PAMR1: variants seen among roughly 807,000 people sequenced by gnomAD.
PAMR1 encodes the protein inactive serine protease PAMR1.
In PAMR1, 88 loss-of-function variants were observed where a neutral mutation model predicts 81.8. That is an observed-to-expected ratio of 1.08 (90% confidence interval 0.91 to 1.28). The LOEUF (loss-of-function observed/expected upper bound fraction) is 1.28, where lower values mean the gene tolerates loss of function less well. Among genes scored for constraint, PAMR1 ranks in the 50% most tolerant of loss-of-function variants. The pLI is 0.00. For synonymous variants in PAMR1, 336 were observed against 345.3 expected, an observed-to-expected ratio of 0.97 and a Z score of 0.30; for missense variants, 935 against 919.7, an observed-to-expected ratio of 1.02 and a Z score of -0.21.
chr11:35,526,008 T>G (rs1053702544), upstream of PAMR1: 9 of 198,026 alleles, frequency 4.5e-5, no homozygotes, highest in Non-Finnish European at 8.3e-5. Flanking sequence ...TACGGGAGGC[T>G]GAGACGGGAG....
intron 7 of PAMR1, among the ~76,000 whole-genome samples, chr11:35,440,703 A>G (rs1325831735): frequency 6.6e-6 from 1 of 152,232 alleles, no homozygotes; most frequent in African/African-American, 2.4e-5. Flanking sequence ...AAACTTCTCT[A>G]TACAATATTC....
At chr11:35,445,271 T>G (rs1856266086) in intron 6 of PAMR1, among the ~76,000 whole-genome samples, 1 of 152,224 alleles carries the variant, frequency 6.6e-6, no homozygotes, top group Admixed American at 6.5e-5. Flanking sequence ...AGATATAGGA[T>G]CATGCCATTC....
chr11:35,453,029 G>T (rs1274238568), intron 6 of PAMR1, among the ~76,000 whole-genome samples: 16 of 152,176 alleles, frequency 1.1e-4, no homozygotes, highest in Admixed American at 9.8e-4. Context: ...GGGATAAAGG[G>T]TTAAATATAT....
rs546418275 is a variant in PAMR1, at chr11:35,490,208, A to G, written c.379+1837T>C. The stretch of plus-strand genomic sequence containing the variant: ...TGGAGGAAACTACCCCTATGATTCA[A>G]TTATCTCCACCTTGCCCCACCCTTG... On this transcript the variant is annotated intron_variant, in intron 3 of 10. Transcript: ENST00000619888. Among the ~76,000 whole-genome samples the G allele has an allele frequency of 3.9e-5, 6 of 152,306 alleles. No homozygotes were observed. The East Asian group carries it at 9.6e-4, about 24-fold the overall frequency.
upstream of PAMR1, among the ~76,000 whole-genome samples, chr11:35,526,859 G>T (rs559977835): frequency 5.9e-5 from 9 of 152,320 alleles, no homozygotes; most frequent in South Asian, 1.9e-3. Flanking sequence ...GAATCATGGG[G>T]ACAGTTACCC....
At chr11:35,498,640 T>A (rs1232877858) in intron 1 of PAMR1, among the ~76,000 whole-genome samples, 1 of 152,162 alleles carries the variant, frequency 6.6e-6, no homozygotes, top group Non-Finnish European at 1.5e-5. Context: ...AACCCTCAAA[T>A]TCTCTGCCCC....
rs1299473844 is a variant in PAMR1, at chr11:35,470,814, C to T, written c.499G>A (p.Val167Ile). The T allele has an allele frequency of 3.7e-6, 6 of 1,612,926 alleles. No homozygotes were observed. The highest frequency in any genetic ancestry group is 5.1e-6 in the Non-Finnish European group (6 of 1,179,098). ...KPGFVIQLRF[V>I]MLSLEFDYMC... is the part of the protein sequence containing the mutation. Reference sequence around the variant, plus strand: ...TAGTCAAACTCCAGGCTCAACATGACAAATCTGTGGGTGGACAGGGTGACG... The same window carrying T: ...TAGTCAAACTCCAGGCTCAACATGATAAATCTGTGGGTGGACAGGGTGACG... The change falls in exon 5 of 11, where the codon GTC becomes ATC. Residue 167 changes from valine to isoleucine, a missense_variant. Transcript: ENST00000619888.
chr11:35,512,284 A>G (rs1164094337), intron 1 of PAMR1, among the ~76,000 whole-genome samples: 1 of 152,176 alleles, frequency 6.6e-6, no homozygotes, highest in Non-Finnish European at 1.5e-5. Flanking sequence ...CACTAAGGAT[A>G]TATATGAGCC....
chr11:35,501,287 G>A (rs1431356317), intron 1 of PAMR1, among the ~76,000 whole-genome samples: 1 of 151,536 alleles, frequency 6.6e-6, no homozygotes, highest in African/African-American at 2.4e-5. Flanking sequence ...TGTGCCACCA[G>A]GCCCAGCTAA....
At chr11:35,502,315 T>C (rs1850863105) in intron 1 of PAMR1, among the ~76,000 whole-genome samples, 1 of 152,156 alleles carries the variant, frequency 6.6e-6, no homozygotes, top group Non-Finnish European at 1.5e-5. Context: ...GTTACATAGG[T>C]AAACATGTGC....
At chr11:35,480,058 G>A (rs1286179345) in intron 3 of PAMR1, among the ~76,000 whole-genome samples, 1 of 152,096 alleles carries the variant, frequency 6.6e-6, no homozygotes, top group Non-Finnish European at 1.5e-5. Context: ...TGAATTGTCT[G>A]CCTCCCCCAT....
rs149029820 is a variant in PAMR1, at chr11:35,492,019, A to T, written c.379+26T>A. On this transcript the variant is annotated intron_variant, in intron 3 of 10. Coordinates refer to ENST00000619888, the MANE Select transcript of PAMR1 (RefSeq NM_001001991.3). ...GACTTTAAGACAGTGTGCACTAGAG[A>T]TGGAGCTAGGTCAAGGTCTACTTAC... 163 of 1,596,336 alleles carry T rather than the reference A, an allele frequency of 1.0e-4. 1 individual carries two copies. In the East Asian group the frequency reaches 3.6e-3, roughly 35 times the overall value.
At chr11:35,501,241 C>T (rs1390520953) in intron 1 of PAMR1, among the ~76,000 whole-genome samples, 1 of 151,770 alleles carries the variant, frequency 6.6e-6, no homozygotes, top group Admixed American at 6.6e-5. Flanking sequence ...AGTGATCCTC[C>T]CACTTCAGCC....
rs1343338944 is a variant in PAMR1 at position 35,434,496 on chromosome 11, G to A, written c.1626+16C>T. On this transcript the variant is annotated intron_variant, in intron 10 of 10. Transcript: ENST00000619888. Reference sequence around the variant, plus strand: ...TGAGCCAGAGCCCCAGCTTCCAAGTGCAAGCCCTCTCTTACCTGTAGGCTC... The same window carrying A: ...TGAGCCAGAGCCCCAGCTTCCAAGTACAAGCCCTCTCTTACCTGTAGGCTC... 1 of 1,604,706 alleles carries A rather than the reference G, an allele frequency of 6.2e-7. No individual in the cohort carries two copies. The highest frequency in any genetic ancestry group is 1.1e-5 in the South Asian group (1 of 90,380).
chr11:35,434,479 A>G, intron 10 of PAMR1, 33 bp downstream of exon 10: 1 of 1,592,070 alleles, frequency 6.3e-7, no homozygotes, highest in Non-Finnish European at 8.6e-7. Flanking sequence ...TTTGAGCCAG[A>G]GCCCCAGCTT....
intron 1 of PAMR1, among the ~76,000 whole-genome samples, chr11:35,521,372 C>A (rs908602194): frequency 6.6e-6 from 1 of 152,210 alleles, no homozygotes; most frequent in Non-Finnish European, 1.5e-5. Context: ...CCCTCTCATT[C>A]CCCCTTCCTG....
intron 6 of PAMR1, among the ~76,000 whole-genome samples, chr11:35,442,593 T>C (rs1433761357): frequency 6.6e-6 from 1 of 151,598 alleles, no homozygotes; most frequent in Non-Finnish European, 1.5e-5. Context: ...TTTTTTCTTT[T>C]TTTTTCTTTT....
intron 1 of PAMR1, among the ~76,000 whole-genome samples, chr11:35,495,389 C>CT (rs1207544397): frequency 6.6e-6 from 1 of 151,362 alleles, no homozygotes; most frequent in East Asian, 1.9e-4. Flanking sequence ...TTCTCATTTT[C>CT]TTTTTTTATA....
chr11:35,500,180 G>A (rs1850805245), intron 1 of PAMR1, among the ~76,000 whole-genome samples: 1 of 152,162 alleles, frequency 6.6e-6, no homozygotes, highest in Non-Finnish European at 1.5e-5. Context: ...GGTAATACAT[G>A]TGTGCTGTTT....
Sources: allele counts gnomAD v4.1 joint callset (sites outside exome capture counted in the v4.1 genomes callset), GRCh38; gene constraint gnomAD v4.1.1; transcripts MANE v1.5; gene names NCBI Gene and HGNC (gene_info 2026-07-23, HGNC 2026-07-21).